The following USP45 variants were observed in gnomAD, a reference collection of about 807,000 sequenced individuals.
USP45 encodes the protein ubiquitin carboxyl-terminal hydrolase 45.
In USP45, 89 loss-of-function variants were observed where a neutral mutation model predicts 95.8. That is an observed-to-expected ratio of 0.93 (90% CI 0.78 to 1.11). The LOEUF is 1.11. Among genes scored for constraint, USP45 ranks in the 50% least tolerant of loss-of-function variants. The pLI is 0.00. For synonymous variants in USP45, 281 were observed against 316.2 expected, an observed-to-expected ratio of 0.89 and a Z score of 1.18; for missense variants, 898 against 942.5, an observed-to-expected ratio of 0.95 and a Z score of 0.62.
chr6:99,514,370 C>A (rs1800647751), intron 1 of USP45, among the ~76,000 whole-genome samples: 1 of 152,150 alleles, frequency 6.6e-6, no homozygotes, highest in South Asian at 2.1e-4. Context: ...CTGGTAATTT[C>A]GGCATAAAAC....
At chr6:99,507,099 C>T (rs1350262924) in intron 4 of USP45, among the ~76,000 whole-genome samples, 7 of 152,104 alleles carry the variant, frequency 4.6e-5, no homozygotes, top group African/African-American at 1.7e-4. Flanking sequence ...CCCAGCTACT[C>T]AGGAGGCTGA....
At chr6:99,481,796 A>T (rs558063846) in intron 8 of USP45, among the ~76,000 whole-genome samples, 9 of 152,292 alleles carry the variant, frequency 5.9e-5, no homozygotes, top group Admixed American at 2.0e-4. Flanking sequence ...TAATTCACTT[A>T]GAATAATGGC....
Position 99,462,394 on chromosome 6 carries a change from A to G in USP45, c.1308+2210T>C, listed in dbSNP as rs533526741. The stretch of plus-strand genomic sequence containing the variant: ...CGGATGTATTAAAACTACTTTGGCC[A>G]GTACCACAGAATCTCCTAACTCTTT... On this transcript the variant is annotated intron_variant, in intron 13 of 17. Coordinates refer to ENST00000500704, the MANE Select transcript of USP45 (RefSeq NM_001346022.3). The G allele has an allele frequency of 2.1e-4, 211 of 984,528 alleles. 4 individuals carry two copies. The South Asian group carries it at 9.0e-3, about 42-fold the overall frequency. 61.0% of individuals were successfully genotyped at this position (984,528 alleles called of 1,614,324 possible).
intron 5 of USP45, among the ~76,000 whole-genome samples, chr6:99,492,503 T>G (rs113321052): frequency 2.6e-5 from 4 of 152,198 alleles, no homozygotes; most frequent in African/African-American, 9.6e-5. Context: ...AGAATTTTTT[T>G]TTTTTTTTGA....
At chr6:99,488,864 AAT>A (rs752351202) in intron 5 of USP45, 44 bp from the exon 6 acceptor site, 8 of 1,425,602 alleles carry the variant, frequency 5.6e-6, no homozygotes, top group Admixed American at 2.6e-5. Flanking sequence ...TGTAAAGATA[AAT>A]ATGTCACTTA....
At chr6:99,506,020 G>A (rs1443473997) in intron 4 of USP45, among the ~76,000 whole-genome samples, 2 of 152,106 alleles carry the variant, frequency 1.3e-5, no homozygotes, top group Non-Finnish European at 2.9e-5. Context: ...ATTCTCCCCA[G>A]TACTACTACT....
At chr6:99,503,390 G>A (rs1159714665) in intron 5 of USP45, among the ~76,000 whole-genome samples, 1 of 151,184 alleles carries the variant, frequency 6.6e-6, no homozygotes, top group Non-Finnish European at 1.5e-5. Flanking sequence ...GCAGTGGCAT[G>A]TTCTTGGCTC....
intron 9 of USP45, among the ~76,000 whole-genome samples, chr6:99,471,647 G>C (rs1342044074): frequency 6.6e-6 from 1 of 152,178 alleles, no homozygotes; most frequent in African/African-American, 2.4e-5. Context: ...GATCCTTTAA[G>C]TACTATATTC....
intron 5 of USP45, among the ~76,000 whole-genome samples, chr6:99,503,261 A>C (rs1272287683): frequency 1.3e-5 from 2 of 152,142 alleles, no homozygotes; most frequent in African/African-American, 4.8e-5. Flanking sequence ...GACATACTTC[A>C]GTTTCTCAAA....
At chr6:99,485,682 T>C (rs1009393986) in intron 7 of USP45, among the ~76,000 whole-genome samples, 2 of 152,200 alleles carry the variant, frequency 1.3e-5, no homozygotes, top group Admixed American at 1.3e-4. Context: ...TATACACTCA[T>C]AATATACATT....
At chr6:99,437,180 C>A in intron 17 of USP45, 66 bp downstream of exon 17, 1 of 1,488,342 alleles carries the variant, frequency 6.7e-7, no homozygotes, top group South Asian at 1.3e-5. Flanking sequence ...AATAACTTAG[C>A]TCTCCCAGAA....
At chr6:99,516,225 C>T (rs1801100144), upstream of USP45, among the ~76,000 whole-genome samples, 1 of 152,202 alleles carries the variant, frequency 6.6e-6, no homozygotes, top group African/African-American at 2.4e-5. Flanking sequence ...TACACCTATA[C>T]CTCCTCAAAG....
intron 15 of USP45, 123 bp downstream of exon 15, chr6:99,443,442 C>T (rs1781887255): frequency 1.8e-6 from 1 of 568,518 alleles, no homozygotes; most frequent in Admixed American, 3.4e-5. Context: ...CAGTAAATCT[C>T]ACATGACACA....
rs943960125 is a variant in USP45 at position 99,476,060 on chromosome 6, A to G, written c.933+83T>C. 1.5e-5 allele frequency: 19 copies of G among 1,279,008 alleles called. No individual in the cohort carries two copies. In the African/African-American group the frequency reaches 2.7e-4, roughly 18 times the overall value. The allele number at this position is 1,279,008 out of a possible 1,614,324, so 79.2% of individuals were successfully genotyped here. ...TGAAACTCCTGACCTCAGATGATCCACCCCGCCTTGGCCCCCCAATAATCC... is the reference window on the plus strand; with the variant it reads ...TGAAACTCCTGACCTCAGATGATCCGCCCCGCCTTGGCCCCCCAATAATCC... On this transcript the variant is annotated intron_variant, in intron 9 of 17. Coordinates refer to ENST00000500704, the MANE Select transcript of USP45 (RefSeq NM_001346022.3).
chr6:99,484,684 G>A (rs998573345), intron 7 of USP45, among the ~76,000 whole-genome samples: 8 of 151,580 alleles, frequency 5.3e-5, no homozygotes, highest in Admixed American at 1.3e-4. Flanking sequence ...CCTGCAGTCC[G>A]AGCTACTCAG....
chr6:99,466,799 T>C (rs1347504773), intron 10 of USP45, 36 bp from the exon 11 acceptor site: 1 of 1,527,224 alleles, frequency 6.5e-7, no homozygotes, highest in Non-Finnish European at 9.1e-7. Flanking sequence ...AAAAAACATG[T>C]CAACCATCCA....
chr6:99,458,974 G>A (rs1210158671), intron 13 of USP45, among the ~76,000 whole-genome samples: 1 of 152,126 alleles, frequency 6.6e-6, no homozygotes, highest in Non-Finnish European at 1.5e-5. Context: ...GTTTTGAACA[G>A]CAATGAGATT....
intron 5 of USP45, among the ~76,000 whole-genome samples, chr6:99,489,306 A>G (rs1419755094): frequency 6.6e-6 from 1 of 152,238 alleles, no homozygotes; most frequent in Non-Finnish European, 1.5e-5. Flanking sequence ...CGTTCAATTC[A>G]GATAATTTGA....
chr6:99,471,130 A>G (rs538421266), intron 9 of USP45, among the ~76,000 whole-genome samples: 1 of 152,310 alleles, frequency 6.6e-6, no homozygotes, highest in Admixed American at 6.5e-5. Flanking sequence ...TTGCTTTTTA[A>G]TTTTGATCCT....
Sources: gnomAD v4.1 joint callset for allele counts (sites outside exome capture counted in the v4.1 genomes callset) on GRCh38, gnomAD v4.1.1 for gene constraint, MANE v1.5 for transcripts, NCBI Gene and HGNC (gene_info 2026-07-23, HGNC 2026-07-21) for gene names.